The following GRIN2A variants were observed in gnomAD, a reference collection of about 807,000 sequenced individuals.
The protein encoded by GRIN2A is glutamate receptor ionotropic, NMDA 2A.
GRIN2A carries 22 observed loss-of-function variants against 113.4 expected under a neutral mutation model. The ratio of observed to expected loss-of-function variants is 0.19; its 90% CI spans 0.14 to 0.28. GRIN2A has a LOEUF of 0.28. GRIN2A is among the 10% of genes least tolerant of loss of function. The probability of loss-of-function intolerance (pLI) is 1.00; values close to 1 mark genes in which losing one functional copy is unlikely to be tolerated. For synonymous variants in GRIN2A, 827 were observed against 738.4 expected (o/e 1.12, Z -1.94); for missense variants, 1,502 against 1,887.0 (o/e 0.80, Z 3.78).
At chr16:10,118,776 C>G (rs921468727) in intron 2 of GRIN2A, among the ~76,000 whole-genome samples, 1 of 152,192 alleles carries the variant, frequency 6.6e-6, no homozygotes, top group Non-Finnish European at 1.5e-5. Flanking sequence ...GGTAAATTTT[C>G]ATAACCAGAG....
intron 4 of GRIN2A, among the ~76,000 whole-genome samples, chr16:9,854,888 G>T (rs2042941870): frequency 6.6e-6 from 1 of 152,102 alleles, no homozygotes; most frequent in South Asian, 2.1e-4. Flanking sequence ...TACAGTCCTT[G>T]TCAATCACAT....
At chr16:9,948,220 T>C (rs2045069366) in intron 2 of GRIN2A, among the ~76,000 whole-genome samples, 1 of 152,234 alleles carries the variant, frequency 6.6e-6, no homozygotes, top group Non-Finnish European at 1.5e-5. Context: ...ATTTATTTAA[T>C]CCTCACACTA....
rs79070103 is a variant in GRIN2A, at chr16:10,095,076, G to A, written c.414+84922C>T. ...ACTGGTGAACTTGTAAGTAGAGGAA[G>A]AAGAGAGATTTCTCTCTCTCTCTCT... On this transcript the variant is annotated intron_variant, in intron 2 of 12. Transcript: ENST00000330684. Among the ~76,000 whole-genome samples, 1,472 of 152,112 alleles carry A rather than the reference G, an allele frequency of 9.7e-3. 13 individuals are homozygous for A. Among genetic ancestry groups the A allele is most frequent in the Admixed American group, 0.016 (239 of 15,278 alleles).
chr16:10,100,549 A>T (rs2048374230), intron 2 of GRIN2A, among the ~76,000 whole-genome samples: 1 of 152,198 alleles, frequency 6.6e-6, no homozygotes, highest in Non-Finnish European at 1.5e-5. Flanking sequence ...GGCATGTAGA[A>T]AGCACCTGGC....
chr16:9,793,110 A>C (rs1227668539), intron 11 of GRIN2A, among the ~76,000 whole-genome samples: 1 of 152,162 alleles, frequency 6.6e-6, no homozygotes, highest in Admixed American at 6.6e-5. Context: ...TACTCATTGG[A>C]GCCTCATTTT....
chr16:10,174,707 A>G (rs1448867399), intron 2 of GRIN2A, among the ~76,000 whole-genome samples: 1 of 151,656 alleles, frequency 6.6e-6, no homozygotes, highest in East Asian at 1.9e-4. Flanking sequence ...CTCAACAGAT[A>G]GTCAAAATAA....
At chr16:9,839,253 T>TA (rs2042632881) in intron 7 of GRIN2A, among the ~76,000 whole-genome samples, 2 of 152,132 alleles carry the variant, frequency 1.3e-5, no homozygotes, top group Non-Finnish European at 2.9e-5. Context: ...TACAACACTT[T>TA]CCTTTAAAGA....
At chr16:10,022,887 C>T (rs966848684) in intron 2 of GRIN2A, among the ~76,000 whole-genome samples, 3 of 152,136 alleles carry the variant, frequency 2.0e-5, no homozygotes, top group Admixed American at 6.5e-5. Flanking sequence ...GGTCTAAGAA[C>T]GGCACCACTA....
chr16:9,980,271 A>C (rs1317556770), intron 2 of GRIN2A, among the ~76,000 whole-genome samples: 1 of 151,972 alleles, frequency 6.6e-6, no homozygotes, highest in Non-Finnish European at 1.5e-5. Flanking sequence ...TGTCTCAAAA[A>C]AAAAAAAAGA....
At chr16:10,158,818 T>C (rs751618379) in intron 2 of GRIN2A, among the ~76,000 whole-genome samples, 115 of 152,212 alleles carry the variant, frequency 7.6e-4, no homozygotes, top group Non-Finnish European at 1.4e-3. Flanking sequence ...GGAGTGATGA[T>C]GTTCTGGACC....
intron 10 of GRIN2A, among the ~76,000 whole-genome samples, chr16:9,805,236 T>G (rs1459182058): frequency 6.6e-6 from 1 of 152,192 alleles, no homozygotes; most frequent in Non-Finnish European, 1.5e-5. Context: ...TAATCAAAAG[T>G]TTCCGGTTTT....
chr16:9,823,424 C>T (rs1422826808), intron 9 of GRIN2A, among the ~76,000 whole-genome samples: 1 of 152,150 alleles, frequency 6.6e-6, no homozygotes, highest in Non-Finnish European at 1.5e-5. Context: ...AAGATCTCAA[C>T]ATACATTTGT....
At chr16:10,129,932 G>A (rs565601831) in intron 2 of GRIN2A, among the ~76,000 whole-genome samples, 51 of 152,346 alleles carry the variant, frequency 3.3e-4, no homozygotes, top group African/African-American at 1.2e-3. Flanking sequence ...GAAGGTAGAA[G>A]CATGTTTCAT....
intron 5 of GRIN2A, among the ~76,000 whole-genome samples, chr16:9,846,054 CT>C (rs1454909133): frequency 2.0e-5 from 3 of 152,212 alleles, no homozygotes; most frequent in African/African-American, 7.2e-5. Flanking sequence ...ATAACAATGT[CT>C]GTGTTATTTC....
chr16:10,044,510 T>G (rs1477913941), intron 2 of GRIN2A, among the ~76,000 whole-genome samples: 1 of 151,788 alleles, frequency 6.6e-6, no homozygotes, highest in Non-Finnish European at 1.5e-5. Flanking sequence ...ACTCCCAAAT[T>G]AAGTCATTCT....
At chr16:10,093,536 G>C (rs888974116) in intron 2 of GRIN2A, among the ~76,000 whole-genome samples, 3 of 151,988 alleles carry the variant, frequency 2.0e-5, no homozygotes, top group Non-Finnish European at 2.9e-5. Flanking sequence ...TTATAGTCAG[G>C]TGGCATCGAT....
At chr16:9,901,799 A>G (rs2043931680) in intron 3 of GRIN2A, among the ~76,000 whole-genome samples, 1 of 152,228 alleles carries the variant, frequency 6.6e-6, no homozygotes, top group South Asian at 2.1e-4. Context: ...CAAATAAACT[A>G]GAAGACAATT....
chr16:10,060,015 G>A (rs1035326426), intron 2 of GRIN2A, among the ~76,000 whole-genome samples: 5 of 152,094 alleles, frequency 3.3e-5, no homozygotes, highest in East Asian at 1.9e-4. Context: ...AAGCTGGGTC[G>A]CTTGGCAGTA....
At chr16:9,913,977 AAAG>A (rs2044193220) in intron 3 of GRIN2A, among the ~76,000 whole-genome samples, 2 of 152,198 alleles carry the variant, frequency 1.3e-5, no homozygotes, top group African/African-American at 4.8e-5. Context: ...GAAAAAAAGA[AAAG>A]AACAAAATTA....
Sources: gnomAD v4.1 joint callset for allele counts (sites outside exome capture counted in the v4.1 genomes callset) on GRCh38, gnomAD v4.1.1 for gene constraint, MANE v1.5 for transcripts, NCBI Gene and HGNC (gene_info 2026-07-23, HGNC 2026-07-21) for gene names.